CDH13: variants seen among roughly 807,000 people sequenced by gnomAD.
CDH13 encodes the protein cadherin 13, also known as cadherin-13.
Under a neutral mutation model 63.8 loss-of-function variants are expected in CDH13, and 24 were observed. The ratio of observed to expected loss-of-function variants is 0.38; its 90% CI spans 0.27 to 0.53. The LOEUF is 0.53. Ranked by LOEUF, CDH13 falls within the 20% of genes least tolerant of loss-of-function variation. The pLI is 0.85. For synonymous variants in CDH13, 503 were observed against 355.3 expected, an observed-to-expected ratio of 1.42 and a Z score of -4.67; for missense variants, 1,049 against 903.1, an observed-to-expected ratio of 1.16 and a Z score of -2.07.
intron 1 of CDH13, among the ~76,000 whole-genome samples, chr16:82,793,870 A>G (rs1033558323): frequency 2.0e-5 from 3 of 152,180 alleles, no homozygotes; most frequent in Non-Finnish European, 4.4e-5. Flanking sequence ...TTCCCCTTGC[A>G]GTTAGAAAAA....
chr16:83,698,367 G>C (rs1905702721), intron 10 of CDH13, among the ~76,000 whole-genome samples: 1 of 152,172 alleles, frequency 6.6e-6, no homozygotes, highest in African/African-American at 2.4e-5. Flanking sequence ...GGCTTAAAAA[G>C]ATACAAGAAA....
At chr16:82,749,416 A>G (rs2034318652) in intron 1 of CDH13, among the ~76,000 whole-genome samples, 1 of 152,202 alleles carries the variant, frequency 6.6e-6, no homozygotes, top group Non-Finnish European at 1.5e-5. Context: ...GAAAAAATGA[A>G]GATTTATCGT....
rs867396333 is a variant in CDH13 at position 83,407,708 on chromosome 16, G to A, written c.781+62702G>A. Among the ~76,000 whole-genome samples the A allele has an allele frequency of 5.9e-5, 9 of 151,996 alleles. No individual in the cohort carries two copies. The South Asian group carries it at 1.0e-3, about 18-fold the overall frequency. On this transcript the variant is annotated intron_variant, in intron 6 of 13. Coordinates refer to ENST00000567109, the MANE Select transcript of CDH13 (RefSeq NM_001257.5). ...CTCATTTTTAATTTAATTCCCAGGA[G>A]GCATTTTGGAAACCTTCCCTCCTCA...
At chr16:83,731,422 G>T (rs939812258) in intron 10 of CDH13, among the ~76,000 whole-genome samples, 3 of 152,104 alleles carry the variant, frequency 2.0e-5, no homozygotes, top group African/African-American at 7.2e-5. Flanking sequence ...TTAGTGACGT[G>T]GAGCATTTCT....
chr16:82,699,773 G>C (rs965169957), intron 1 of CDH13, among the ~76,000 whole-genome samples: 7 of 152,224 alleles, frequency 4.6e-5, no homozygotes, highest in African/African-American at 1.4e-4. Flanking sequence ...AGGATATTAA[G>C]ATAATCTCTT....
chr16:83,665,564 T>C (rs1913871008), intron 8 of CDH13, among the ~76,000 whole-genome samples: 1 of 152,232 alleles, frequency 6.6e-6, no homozygotes, highest in Non-Finnish European at 1.5e-5. Flanking sequence ...AAATAGAAAT[T>C]AGTGAGACCC....
intron 4 of CDH13, among the ~76,000 whole-genome samples, chr16:83,199,902 C>T (rs1255974845): frequency 6.6e-6 from 1 of 152,108 alleles, no homozygotes; most frequent in Non-Finnish European, 1.5e-5. Flanking sequence ...ACAAACTGAC[C>T]CAGAAATCAT....
intron 10 of CDH13, among the ~76,000 whole-genome samples, chr16:83,706,036 A>C (rs1488516535): frequency 6.6e-6 from 1 of 152,206 alleles, no homozygotes; most frequent in Non-Finnish European, 1.5e-5. Flanking sequence ...TGGCTCAGGA[A>C]TGTGAGCAGG....
At position 83,344,891 on chromosome 16, in the gene CDH13, C is replaced by G; in HGVS notation, c.666C>G (p.Gly222=). The G allele has an allele frequency of 6.2e-7, 1 of 1,613,920 alleles. No homozygotes were observed. Among genetic ancestry groups the G allele is most frequent in the Non-Finnish European group, 8.5e-7 (1 of 1,179,806 alleles). Residue 222 remains glycine (G), a synonymous_variant, in exon 6 of 14, where the codon GGC becomes GGG. Coordinates refer to ENST00000567109, the MANE Select transcript of CDH13 (RefSeq NM_001257.5). The part of the protein sequence containing the change: ...QLFVETTDVN[G]KTLEGPVPLE... ...TTGTGGAGACCACTGATGTCAATGGCAAAACTCTCGAGGGGCCGGTGCCTC... is the reference window on the plus strand; with the variant it reads ...TTGTGGAGACCACTGATGTCAATGGGAAAACTCTCGAGGGGCCGGTGCCTC...
At chr16:83,240,489 G>A (rs999580166) in intron 5 of CDH13, among the ~76,000 whole-genome samples, 5 of 152,060 alleles carry the variant, frequency 3.3e-5, no homozygotes, top group African/African-American at 1.2e-4. Flanking sequence ...AGGAGAACTT[G>A]GATTAGAGAG....
chr16:83,227,804 A>G (rs1222952508), intron 5 of CDH13, among the ~76,000 whole-genome samples: 1 of 152,170 alleles, frequency 6.6e-6, no homozygotes, highest in Non-Finnish European at 1.5e-5. Flanking sequence ...TCCATCAGAA[A>G]GGGATTCAGC....
intron 3 of CDH13, among the ~76,000 whole-genome samples, chr16:83,065,312 A>C (rs915483676): frequency 1.3e-5 from 2 of 152,182 alleles, no homozygotes; most frequent in South Asian, 2.1e-4. Flanking sequence ...AAGCCTTAAG[A>C]AGTGAGTTGA....
At chr16:82,767,887 G>A (rs1307869252) in intron 1 of CDH13, among the ~76,000 whole-genome samples, 2 of 152,156 alleles carry the variant, frequency 1.3e-5, no homozygotes, top group Non-Finnish European at 2.9e-5. Flanking sequence ...CCAGGGAGGG[G>A]CTAGACCACA....
At chr16:83,682,999 C>G (rs1051325955) in intron 10 of CDH13, among the ~76,000 whole-genome samples, 1 of 152,200 alleles carries the variant, frequency 6.6e-6, no homozygotes, top group Non-Finnish European at 1.5e-5. Flanking sequence ...CGTCCTGCCT[C>G]GCATGAGGAA....
chr16:82,907,920 A>C (rs1489384394), intron 2 of CDH13, among the ~76,000 whole-genome samples: 1 of 152,206 alleles, frequency 6.6e-6, no homozygotes, highest in African/African-American at 2.4e-5. Flanking sequence ...CTTTTAAAAA[A>C]TTAGCTTCTT....
chr16:83,513,309 C>A (rs1355857440), intron 7 of CDH13, among the ~76,000 whole-genome samples: 2 of 152,156 alleles, frequency 1.3e-5, no homozygotes, highest in Non-Finnish European at 2.9e-5. Context: ...AGGCAGGCAT[C>A]ATGGGACCTG....
intron 1 of CDH13, among the ~76,000 whole-genome samples, chr16:82,749,752 C>T (rs748532306): frequency 1.3e-5 from 2 of 151,980 alleles, no homozygotes; most frequent in Non-Finnish European, 2.9e-5. Flanking sequence ...TCATTTTTTG[C>T]TTCCCTCCTT....
chr16:83,250,426 A>G (rs1022670305), intron 5 of CDH13, among the ~76,000 whole-genome samples: 3 of 152,194 alleles, frequency 2.0e-5, no homozygotes, highest in Non-Finnish European at 4.4e-5. Context: ...AAATAAAACC[A>G]GAATTTCGGG....
intron 1 of CDH13, among the ~76,000 whole-genome samples, chr16:82,691,283 T>C (rs1915619320): frequency 6.6e-6 from 1 of 152,206 alleles, no homozygotes; most frequent in Non-Finnish European, 1.5e-5. Flanking sequence ...TCTCCCTATA[T>C]GCCAATGGCT....
Sources: gnomAD v4.1 joint callset for allele counts (sites outside exome capture counted in the v4.1 genomes callset) on GRCh38, gnomAD v4.1.1 for gene constraint, MANE v1.5 for transcripts, NCBI Gene and HGNC (gene_info 2026-07-23, HGNC 2026-07-21) for gene names.